The following CSGALNACT1 variants were observed in gnomAD, a reference collection of about 807,000 sequenced individuals.
CSGALNACT1 encodes the protein beta4GalNAcT-1.
CSGALNACT1 carries 52 observed loss-of-function variants against 51.0 expected under a neutral mutation model. That is an observed-to-expected ratio of 1.02 (90% CI 0.82 to 1.29). The LOEUF is 1.29. Ranked by LOEUF, CSGALNACT1 falls within the 50% of genes most tolerant of loss-of-function variation. The probability of loss-of-function intolerance (pLI) is 0.00; values close to 1 mark genes in which losing one functional copy is unlikely to be tolerated. For synonymous variants in CSGALNACT1, 341 were observed against 254.4 expected, an observed-to-expected ratio of 1.34 and a Z score of -3.24; for missense variants, 935 against 679.2, an observed-to-expected ratio of 1.38 and a Z score of -4.19.
At chr8:19,596,911 C>T (rs2049024386) in intron 2 of CSGALNACT1, among the ~76,000 whole-genome samples, 2 of 152,162 alleles carry the variant, frequency 1.3e-5, no homozygotes. Flanking sequence ...TTTTCTACTG[C>T]TAAATTCATT....
At chr8:19,668,546 A>C (rs73214698) in intron 1 of CSGALNACT1, among the ~76,000 whole-genome samples, 14,857 of 152,264 alleles carry the variant, frequency 0.098, 913 homozygotes, top group African/African-American at 0.16. Flanking sequence ...TACATCTAAA[A>C]TGCCAATCTA....
chr8:19,447,941 T>G (rs963446411), intron 5 of CSGALNACT1, among the ~76,000 whole-genome samples: 1 of 152,194 alleles, frequency 6.6e-6, no homozygotes, highest in African/African-American at 2.4e-5. Flanking sequence ...GTAATGGTGT[T>G]AGTGTGATAG....
intron 4 of CSGALNACT1, among the ~76,000 whole-genome samples, chr8:19,499,794 A>C (rs2153983261): frequency 6.6e-6 from 1 of 152,318 alleles, no homozygotes; most frequent in South Asian, 2.1e-4. Context: ...GGGCCCCTTA[A>C]ACATGATTAA....
chr8:19,510,290 G>C (rs1363072260), intron 3 of CSGALNACT1, among the ~76,000 whole-genome samples: 1 of 152,134 alleles, frequency 6.6e-6, no homozygotes, highest in Non-Finnish European at 1.5e-5. Flanking sequence ...AAAACAATGG[G>C]AGAAGGCTTC....
rs148297995 is a variant in CSGALNACT1 at position 19,515,660 on chromosome 8, A to T, written c.-296-9530T>A. Among the ~76,000 whole-genome samples the T allele has an allele frequency of 6.0e-3, 915 of 152,346 alleles. 13 individuals are homozygous for T. Among genetic ancestry groups the T allele is most frequent in the African/African-American group, 0.021 (867 of 41,584 alleles). On this transcript the variant is annotated intron_variant, in intron 3 of 9. Transcript: ENST00000454498. Reference sequence around the variant, plus strand: ...CTGGCACCTGCTAATCAGAAAATGAAAGCACACTGATCACAACCACAAGCA... The same window carrying T: ...CTGGCACCTGCTAATCAGAAAATGATAGCACACTGATCACAACCACAAGCA...
intron 4 of CSGALNACT1, among the ~76,000 whole-genome samples, chr8:19,486,510 G>T (rs1403499982): frequency 6.6e-6 from 1 of 151,910 alleles, no homozygotes; most frequent in Non-Finnish European, 1.5e-5. Flanking sequence ...CTCCCTCACT[G>T]GCTCTGCCCC....
At chr8:19,489,155 G>A (rs764465562) in intron 4 of CSGALNACT1, among the ~76,000 whole-genome samples, 1 of 152,014 alleles carries the variant, frequency 6.6e-6, no homozygotes, top group Non-Finnish European at 1.5e-5. Flanking sequence ...CTAGAAGAGA[G>A]AGAAGATGAA....
intron 2 of CSGALNACT1, among the ~76,000 whole-genome samples, chr8:19,591,676 C>A (rs1464958593): frequency 1.3e-5 from 2 of 152,036 alleles, no homozygotes; most frequent in African/African-American, 4.8e-5. Context: ...TGTAGTCCAG[C>A]ACTTTGGGAG....
intron 3 of CSGALNACT1, among the ~76,000 whole-genome samples, chr8:19,532,875 A>G (rs1462416349): frequency 6.6e-6 from 1 of 152,210 alleles, no homozygotes; most frequent in East Asian, 1.9e-4. Flanking sequence ...CAGGTGAACT[A>G]CAAAACAAGC....
intron 3 of CSGALNACT1, among the ~76,000 whole-genome samples, chr8:19,524,934 G>A (rs562081272): frequency 5.8e-4 from 89 of 152,254 alleles, no homozygotes; most frequent in African/African-American, 1.9e-3. Context: ...GAGAGAGAGA[G>A]ACAGAGACCA....
chr8:19,542,883 G>C (rs1191206755), intron 3 of CSGALNACT1, among the ~76,000 whole-genome samples: 4 of 152,092 alleles, frequency 2.6e-5, no homozygotes, highest in Non-Finnish European at 5.9e-5. Flanking sequence ...AAGCCCTTCT[G>C]TAGATTCCAA....
Position 19,553,640 on chromosome 8 carries a change from A to ATAT in CSGALNACT1, c.-297+37519_-297+37520insATA, listed in dbSNP as rs201836569. On this transcript the variant is annotated intron_variant, in intron 3 of 9. Coordinates refer to ENST00000454498, the Ensembl canonical transcript of CSGALNACT1. ...AAATACATATATATATATATATATAAAAAAATATGTCAGCCTTTCTATTAC... is the reference window on the plus strand; with the variant it reads ...AAATACATATATATATATATATATAATATAAAAATATGTCAGCCTTTCTATTAC... 2.7e-3 allele frequency among the ~76,000 whole-genome samples: 317 copies of ATAT among 116,986 alleles called. 18 individuals carry two copies. The highest frequency in any genetic ancestry group is 5.6e-3 in the African/African-American group (153 of 27,090). 76.7% of individuals were successfully genotyped at this position (116,986 alleles called of 152,430 possible).
chr8:19,460,975 C>G (rs1262572232), intron 4 of CSGALNACT1, among the ~76,000 whole-genome samples: 4 of 152,114 alleles, frequency 2.6e-5, no homozygotes, highest in African/African-American at 7.2e-5. Context: ...ACAGCCCCAC[C>G]TGAAAACCCA....
At chr8:19,410,830 G>A (rs1049934955) in intron 8 of CSGALNACT1, among the ~76,000 whole-genome samples, 2 of 152,182 alleles carry the variant, frequency 1.3e-5, no homozygotes, top group Admixed American at 1.3e-4. Context: ...ATCTGGTCAT[G>A]CCCACAGCAT....
chr8:19,628,175 A>G (rs141191338), intron 1 of CSGALNACT1, among the ~76,000 whole-genome samples: 1 of 152,224 alleles, frequency 6.6e-6, no homozygotes, highest in East Asian at 1.9e-4. Flanking sequence ...ACTGCTATAA[A>G]GATACTACCC....
intron 4 of CSGALNACT1, among the ~76,000 whole-genome samples, chr8:19,473,990 A>C (rs2068801710): frequency 2.6e-5 from 4 of 152,232 alleles, no homozygotes; most frequent in African/African-American, 7.2e-5. Flanking sequence ...TATTAAATTG[A>C]GGTCTGAGGA....
intron 6 of CSGALNACT1, among the ~76,000 whole-genome samples, chr8:19,424,790 A>G (rs1189115775): frequency 1.3e-5 from 2 of 151,948 alleles, no homozygotes; most frequent in Non-Finnish European, 2.9e-5. Flanking sequence ...ACACACTTCA[A>G]CTCAAATCAC....
At chr8:19,589,130 C>G (rs925741158) in intron 3 of CSGALNACT1, among the ~76,000 whole-genome samples, 3 of 152,180 alleles carry the variant, frequency 2.0e-5, no homozygotes, top group Non-Finnish European at 2.9e-5. Context: ...CTAGGATTGT[C>G]TAGGGTGTTA....
intron 3 of CSGALNACT1, among the ~76,000 whole-genome samples, chr8:19,563,652 A>G (rs2041285422): frequency 6.6e-6 from 1 of 151,910 alleles, no homozygotes; most frequent in African/African-American, 2.4e-5. Context: ...CTCATTCACA[A>G]ACTACATTGT....
Sources: gnomAD v4.1 joint callset for allele counts (sites outside exome capture counted in the v4.1 genomes callset) on GRCh38, gnomAD v4.1.1 for gene constraint, MANE v1.5 for transcripts, NCBI Gene and HGNC (gene_info 2026-07-23, HGNC 2026-07-21) for gene names.